The following GK variants were observed in gnomAD, a reference collection of about 807,000 sequenced individuals.
GK encodes glycerol kinase, also known as ATP:glycerol 3-phosphotransferase.
Under a neutral mutation model 56.4 loss-of-function variants are expected in GK, and 9 were observed. That is an observed-to-expected ratio of 0.16 (90% CI 0.10 to 0.28). The LOEUF (loss-of-function observed/expected upper bound fraction) is 0.28. Ranked by LOEUF, GK falls within the 10% of genes least tolerant of loss-of-function variation. The pLI, the probability that GK is intolerant of heterozygous loss-of-function variation, is 1.00. For synonymous variants in GK, 104 were observed against 144.1 expected (o/e 0.72, Z 1.99); for missense variants, 161 against 431.4 (o/e 0.37, Z 5.55).
chrX:30,660,898 C>A (rs776861358), intron 1 of GK, among the ~76,000 whole-genome samples: 2 of 106,488 alleles, frequency 1.9e-5, no homozygotes, highest in African/African-American at 6.9e-5. Context: ...CTGCACCCTC[C>A]GCCTCCTGGG....
intron 19 of GK, among the ~76,000 whole-genome samples, chrX:30,725,940 A>G (rs1202339160): frequency 9.0e-6 from 1 of 110,768 alleles, no homozygotes; most frequent in African/African-American, 3.3e-5. Flanking sequence ...GACATGAGCC[A>G]CCGCGCCTGG....
chrX:30,684,691 A>G (rs1464146659), intron 4 of GK, among the ~76,000 whole-genome samples: 2 of 87,791 alleles, frequency 2.3e-5, no homozygotes, highest in African/African-American at 8.4e-5. Flanking sequence ...AAAAAAAAAA[A>G]AAAGCATTCA....
At chrX:30,662,863 T>C (rs1307880335) in intron 1 of GK, among the ~76,000 whole-genome samples, 4 of 54,076 alleles carry the variant, frequency 7.4e-5, no homozygotes, top group African/African-American at 3.1e-4. Flanking sequence ...CTTTCTTTCT[T>C]TCTTTCTCTT....
At position 30,655,515 on chromosome X, in the gene GK, T is replaced by C. The variant is rs183998474; in HGVS notation, c.78+1900T>C. Among the ~76,000 whole-genome samples, 359 of 112,335 alleles carry C rather than the reference T, an allele frequency of 3.2e-3. 3 individuals carry two copies. The highest frequency in any genetic ancestry group is 4.9e-3 in the Non-Finnish European group (260 of 53,268). On this transcript the variant is annotated intron_variant, in intron 1 of 20. Coordinates refer to ENST00000427190, the MANE Select transcript of GK (RefSeq NM_001205019.2). The stretch of plus-strand genomic sequence containing the variant: ...AGATTAAAAGCAGGTAGTCTAGAGT[T>C]TTCAATGAAATCTTTCAATTCTTAA...
chrX:30,675,871 C>T (rs1488419238), intron 3 of GK, among the ~76,000 whole-genome samples: 1 of 110,414 alleles, frequency 9.1e-6, no homozygotes, highest in African/African-American at 3.3e-5. Context: ...CTCACTGCAA[C>T]CTCCGCCTCC....
intron 9 of GK, among the ~76,000 whole-genome samples, chrX:30,698,880 A>G (rs1223930744): frequency 9.3e-5 from 10 of 107,520 alleles, no homozygotes; most frequent in Admixed American, 2.0e-4. Flanking sequence ...AAAAAAAAAA[A>G]AAAAGAAAAG....
chrX:30,728,037 A>G (rs1448802812), intron 20 of GK, among the ~76,000 whole-genome samples: 1 of 111,822 alleles, frequency 8.9e-6, no homozygotes, highest in Non-Finnish European at 1.9e-5. Flanking sequence ...GAAGATTTAT[A>G]GTTACTCTTA....
intron 7 of GK, 51 bp downstream of exon 7, chrX:30,696,202 A>G: frequency 3.0e-6 from 2 of 676,665 alleles, no homozygotes; most frequent in Non-Finnish European, 4.8e-6. Context: ...CTACCTATTT[A>G]TAACCGAAAT....
intron 11 of GK, among the ~76,000 whole-genome samples, 192 bp downstream of exon 11, chrX:30,701,097 C>T (rs1935631247): frequency 8.9e-6 from 1 of 112,169 alleles, no homozygotes; most frequent in South Asian, 3.7e-4. Context: ...TATATGCACA[C>T]TGATGAAGCT....
intron 1 of GK, among the ~76,000 whole-genome samples, chrX:30,661,510 A>G (rs989764968): frequency 2.0e-5 from 2 of 100,760 alleles, no homozygotes; most frequent in African/African-American, 7.0e-5. Context: ...ATCCTTTCTC[A>G]TCAACAAGTA....
chrX:30,705,847 CTTAA>C (rs776848141), intron 11 of GK, among the ~76,000 whole-genome samples: 1 of 112,143 alleles, frequency 8.9e-6, no homozygotes, highest in Non-Finnish European at 1.9e-5. Context: ...AGTATACTCA[CTTAA>C]GAATTCACTT....
intron 9 of GK, among the ~76,000 whole-genome samples, chrX:30,699,204 G>GTT (rs1341197012): frequency 1.8e-3 from 178 of 99,033 alleles, no homozygotes; most frequent in Non-Finnish European, 3.0e-3. Flanking sequence ...TTATATATAT[G>GTT]TTATATATAT....
chrX:30,658,603 A>G (rs1240240035), intron 1 of GK, among the ~76,000 whole-genome samples: 3 of 112,672 alleles, frequency 2.7e-5, no homozygotes, highest in Admixed American at 1.9e-4. Flanking sequence ...GGCGTGAGCC[A>G]CCACGCCCGG....
chrX:30,722,586 CATAG>C (rs1010278887), intron 18 of GK, among the ~76,000 whole-genome samples: 1 of 111,966 alleles, frequency 8.9e-6, no homozygotes, highest in African/African-American at 3.2e-5. Context: ...GGCACCTAGG[CATAG>C]ATAGTACATT....
rs61742225 is a variant in GK at position 30,720,920 on chromosome X, G to A, written c.1426G>A (p.Gly476Ser). 1 of 1,210,851 alleles carries A rather than the reference G, an allele frequency of 8.3e-7. No individual in the cohort carries two copies. Among genetic ancestry groups the A allele is most frequent in the Non-Finnish European group, 1.1e-6 (1 of 894,632 alleles). The change falls in exon 18 of 21, where the codon GGC becomes AGC. Residue 476 changes from glycine to serine, a missense_variant. Transcript: ENST00000427190. Reference sequence around the variant, plus strand: ...GGCGGCAGGGGCTGCAGAAGGAGTCGGCGTATGGAGTCTCGAACCCGAGGA... The same window carrying A: ...GGCGGCAGGGGCTGCAGAAGGAGTCAGCGTATGGAGTCTCGAACCCGAGGA... Reference protein sequence around the residue: ...AMAAGAAEGVGVWSLEPEDLS... With the variant: ...AMAAGAAEGVSVWSLEPEDLS...
intron 13 of GK, among the ~76,000 whole-genome samples, chrX:30,711,159 A>G (rs1164985970): frequency 1.1e-4 from 9 of 84,012 alleles, no homozygotes; most frequent in Non-Finnish European, 1.9e-4. Context: ...ATCCTTCTAT[A>G]GTTCTTTTAG....
At chrX:30,701,216 C>G (rs1414743852) in intron 11 of GK, among the ~76,000 whole-genome samples, 1 of 111,384 alleles carries the variant, frequency 9.0e-6, no homozygotes. Context: ...TAGAGACCAG[C>G]CTGACCAACA....
At chrX:30,691,541 C>T (rs976316729) in intron 5 of GK, among the ~76,000 whole-genome samples, 14 of 95,564 alleles carry the variant, frequency 1.5e-4, no homozygotes, top group African/African-American at 5.2e-4. Context: ...GGTGTGATCT[C>T]GGCTCACCGC....
At chrX:30,685,850 G>A (rs1023479797) in intron 4 of GK, among the ~76,000 whole-genome samples, 5 of 112,234 alleles carry the variant, frequency 4.5e-5, no homozygotes, top group African/African-American at 1.3e-4. Context: ...GAGATGAAAA[G>A]TGTAGACCTC....
Sources: allele counts gnomAD v4.1 joint callset (sites outside exome capture counted in the v4.1 genomes callset), GRCh38; gene constraint gnomAD v4.1.1; transcripts MANE v1.5; gene names NCBI Gene and HGNC (gene_info 2026-07-23, HGNC 2026-07-21).